The following CCSER1 variants were observed in gnomAD, a reference collection of about 807,000 sequenced individuals.
The protein encoded by CCSER1 is serine-rich coiled-coil domain-containing protein 1.
CCSER1 carries 41 observed loss-of-function variants against 82.0 expected under a neutral mutation model. The observed-to-expected ratio is 0.50, with a 90% CI of 0.39 to 0.65. The LOEUF (loss-of-function observed/expected upper bound fraction) is 0.65, where lower values mean the gene tolerates loss of function less well. Ranked by LOEUF, CCSER1 falls within the 30% of genes least tolerant of loss-of-function variation. The probability of loss-of-function intolerance (pLI) is 0.00; values close to 1 mark genes in which losing one functional copy is unlikely to be tolerated. For missense variants in CCSER1, 1,119 were observed against 1,064.2 expected (o/e 1.05, Z -0.72); for synonymous variants, 414 against 383.9 (o/e 1.08, Z -0.92).
chr4:90,814,297 G>A (rs1222256526), intron 7 of CCSER1, among the ~76,000 whole-genome samples: 2 of 152,200 alleles, frequency 1.3e-5, no homozygotes, highest in East Asian at 3.9e-4. Context: ...GCCTGTAATG[G>A]GAGAGGCTGC....
chr4:91,192,827 T>C (rs1735114961), intron 10 of CCSER1, among the ~76,000 whole-genome samples: 1 of 152,208 alleles, frequency 6.6e-6, no homozygotes, highest in South Asian at 2.1e-4. Context: ...TTTTGTAATG[T>C]CTACAATAGA....
At chr4:91,559,335 A>G (rs981763844) in intron 10 of CCSER1, among the ~76,000 whole-genome samples, 3 of 151,642 alleles carry the variant, frequency 2.0e-5, no homozygotes, top group African/African-American at 7.2e-5. Flanking sequence ...TTCTCCAAAT[A>G]AAATCAAAGC....
intron 10 of CCSER1, among the ~76,000 whole-genome samples, chr4:91,232,806 A>G (rs955447330): frequency 2.0e-4 from 30 of 151,932 alleles, no homozygotes; most frequent in African/African-American, 7.0e-4. Flanking sequence ...TTAAGAAAGG[A>G]TTGCTTTTAA....
intron 1 of CCSER1, among the ~76,000 whole-genome samples, chr4:90,136,758 A>G (rs557641328): frequency 6.6e-6 from 1 of 152,316 alleles, no homozygotes; most frequent in South Asian, 2.1e-4. Flanking sequence ...CTGAATATAT[A>G]AAATGGATTG....
chr4:90,743,185 G>C (rs927629144), intron 7 of CCSER1, among the ~76,000 whole-genome samples: 2 of 152,180 alleles, frequency 1.3e-5, no homozygotes, highest in African/African-American at 2.4e-5. Flanking sequence ...CATTCCAAAA[G>C]AAAGAAGGAA....
chr4:90,817,852 T>A (rs1312529101), intron 8 of CCSER1, among the ~76,000 whole-genome samples: 2 of 152,190 alleles, frequency 1.3e-5, no homozygotes, highest in Non-Finnish European at 2.9e-5. Flanking sequence ...CTCCTATTTC[T>A]GGTCCTGGTA....
At chr4:90,458,147 C>G (rs1478754442) in intron 4 of CCSER1, among the ~76,000 whole-genome samples, 1 of 152,108 alleles carries the variant, frequency 6.6e-6, no homozygotes, top group Non-Finnish European at 1.5e-5. Flanking sequence ...TCAGGAATTC[C>G]TGAGTCCATA....
At chr4:90,642,019 G>T in intron 6 of CCSER1, 1 of 280,692 alleles carries the variant, frequency 3.6e-6, no homozygotes, top group Non-Finnish European at 8.1e-6. Flanking sequence ...GGCTAAATCC[G>T]ACATTAAGAA....
At chr4:91,330,293 A>G (rs7696314) in intron 10 of CCSER1, among the ~76,000 whole-genome samples, 116,801 of 152,018 alleles carry the variant, frequency 0.77, 45,344 homozygotes, top group East Asian at 0.89. Flanking sequence ...ATGGGATGGA[A>G]ATTACAGAGA....
intron 7 of CCSER1, among the ~76,000 whole-genome samples, chr4:90,791,043 G>C (rs906288784): frequency 3.3e-5 from 5 of 152,208 alleles, no homozygotes; most frequent in Non-Finnish European, 4.4e-5. Flanking sequence ...CTGCATTGCT[G>C]TGGGGGGCTT....
intron 3 of CCSER1, among the ~76,000 whole-genome samples, chr4:90,366,538 A>G (rs1746315475): frequency 6.6e-6 from 1 of 151,696 alleles, no homozygotes; most frequent in African/African-American, 2.4e-5. Context: ...AAATGTGCAT[A>G]CTCTATTATT....
At chr4:91,294,146 TAAAG>T (rs1743979716) in intron 10 of CCSER1, among the ~76,000 whole-genome samples, 1 of 152,010 alleles carries the variant, frequency 6.6e-6, no homozygotes, top group African/African-American at 2.4e-5. Context: ...TTAAATTTCT[TAAAG>T]AAACTATAGT....
rs1185294356 is a variant in CCSER1, at chr4:90,951,692, A to G, written c.2172+28245A>G. On this transcript the variant is annotated intron_variant, in intron 9 of 10. Coordinates refer to ENST00000509176, the MANE Select transcript of CCSER1 (RefSeq NM_001145065.2). ...TGCTTTGCATATACTGCAAAGAGAA[A>G]TAGAATTTGATGTCCAGCTTCCTAA... Among the ~76,000 whole-genome samples the G allele has an allele frequency of 2.0e-5, 3 of 152,242 alleles. No homozygotes were observed. The East Asian group carries it at 5.8e-4, about 29-fold the overall frequency.
intron 9 of CCSER1, among the ~76,000 whole-genome samples, chr4:90,984,166 A>AT (rs1490748451): frequency 2.6e-5 from 4 of 151,764 alleles, no homozygotes; most frequent in African/African-American, 9.7e-5. Context: ...CACTGAAACA[A>AT]TTTTTGTTGT....
intron 1 of CCSER1, among the ~76,000 whole-genome samples, chr4:90,253,185 A>G (rs953093525): frequency 6.6e-6 from 1 of 152,050 alleles, no homozygotes; most frequent in Non-Finnish European, 1.5e-5. Context: ...CAACAATATA[A>G]TTATGTACAT....
chr4:91,550,834 G>T (rs191194525), intron 10 of CCSER1, among the ~76,000 whole-genome samples: 28 of 152,026 alleles, frequency 1.8e-4, no homozygotes, highest in Non-Finnish European at 2.6e-4. Context: ...CTGAATATGC[G>T]CAAAGCAAAC....
At chr4:91,583,821 A>G (rs1211800515) in intron 10 of CCSER1, among the ~76,000 whole-genome samples, 1 of 151,480 alleles carries the variant, frequency 6.6e-6, no homozygotes, top group Non-Finnish European at 1.5e-5. Context: ...CCTCTGCTTT[A>G]AAGGATGGCT....
intron 1 of CCSER1, among the ~76,000 whole-genome samples, chr4:90,295,590 C>CT (rs1246430845): frequency 6.6e-6 from 1 of 151,862 alleles, no homozygotes; most frequent in Non-Finnish European, 1.5e-5. Flanking sequence ...ATTTGTATTT[C>CT]TTCTTTCAGG....
At chr4:91,134,094 G>A (rs1375142319) in intron 10 of CCSER1, among the ~76,000 whole-genome samples, 1 of 152,028 alleles carries the variant, frequency 6.6e-6, no homozygotes. Context: ...GCAAGATTCT[G>A]TCTCAAAAAA....
Sources: gnomAD v4.1 joint callset for allele counts (sites outside exome capture counted in the v4.1 genomes callset) on GRCh38, gnomAD v4.1.1 for gene constraint, MANE v1.5 for transcripts, NCBI Gene and HGNC (gene_info 2026-07-23, HGNC 2026-07-21) for gene names.